SPANXN3: variants seen among roughly 807,000 people sequenced by gnomAD.
The protein encoded by SPANXN3 is SPANX family member N3, also known as sperm protein associated with the nucleus on the X chromosome N3.
A neutral mutation model predicts 1.9 loss-of-function variants in SPANXN3; 1 was observed. The ratio of observed to expected loss-of-function variants is 0.54; its 90% CI spans 0.19 to 2.54. The LOEUF (loss-of-function observed/expected upper bound fraction) is 2.54, where lower values mean the gene tolerates loss of function less well. Among genes scored for constraint, SPANXN3 ranks in the 30% most tolerant of loss-of-function variants. The pLI, the probability that SPANXN3 is intolerant of heterozygous loss-of-function variation, is 0.24. For synonymous variants in SPANXN3, 47 were observed against 40.0 expected (o/e 1.17, Z -0.66); for missense variants, 113 against 96.2 (o/e 1.17, Z -0.73).
rs1556412862 is a variant in SPANXN3, at chrX:143,517,347, G to A, written c.45C>T (p.Ser15=). The change falls in exon 1 of 2, where the codon AGC becomes AGT. Residue 15 remains serine, a synonymous_variant. Coordinates refer to ENST00000370503, the MANE Select transcript of SPANXN3 (RefSeq NM_001009609.4). ...TSSTNGEKTK[S]PCESNNKKND... is the part of the protein sequence containing the mutation. ...TTTTTTTGTTATTGGATTCACAGGGGCTCTTCGTCTTCTCCCCATTGGTGC... is the reference window on the plus strand; with the variant it reads ...TTTTTTTGTTATTGGATTCACAGGGACTCTTCGTCTTCTCCCCATTGGTGC... The A allele has an allele frequency of 8.3e-7, 1 of 1,211,025 alleles. No homozygotes were observed. Among genetic ancestry groups the A allele is most frequent in the Non-Finnish European group, 1.1e-6 (1 of 895,216 alleles).
At chrX:143,510,906 T>C (rs1929076799) in intron 1 of SPANXN3, among the ~76,000 whole-genome samples, 2 of 108,253 alleles carry the variant, frequency 1.8e-5, no homozygotes, top group South Asian at 8.3e-4. Flanking sequence ...CGCCCAACGC[T>C]CTTTTGCCGA....
At chrX:143,511,864 A>T in intron 1 of SPANXN3, among the ~76,000 whole-genome samples, 1 of 111,148 alleles carries the variant, frequency 9.0e-6, no homozygotes, top group Non-Finnish European at 1.9e-5. Flanking sequence ...CCTAGAGTCC[A>T]CCACCCCTAC....
At chrX:143,517,233 C>T in intron 1 of SPANXN3, 81 bp downstream of exon 1, 4 of 1,070,952 alleles carry the variant, frequency 3.7e-6, no homozygotes, top group Non-Finnish European at 3.9e-6. Flanking sequence ...CTGCAGTATT[C>T]CTGTGTTGCT....
chrX:143,511,698 T>C (rs782664538), intron 1 of SPANXN3, among the ~76,000 whole-genome samples: 1 of 111,763 alleles, frequency 8.9e-6, no homozygotes, highest in East Asian at 2.8e-4. Flanking sequence ...CTGTTATAAG[T>C]GCATCCAACA....
chrX:143,510,835 C>A, intron 1 of SPANXN3, among the ~76,000 whole-genome samples: 1 of 109,689 alleles, frequency 9.1e-6, no homozygotes, highest in East Asian at 2.9e-4. Context: ...GGATCCGGCT[C>A]CTCCACCCCC....
Position 143,509,168 on chromosome X carries a change from A to G in SPANXN3, c.79-6T>C, listed in dbSNP as rs782266869. Reference sequence around the variant, plus strand: ...CTGTTTGGTACCTCTTGCATCTGGTAAGAAAATAGGGAGAGGCCAGAAAGA... The same window carrying G: ...CTGTTTGGTACCTCTTGCATCTGGTGAGAAAATAGGGAGAGGCCAGAAAGA... On this transcript the variant is annotated splice_polypyrimidine_tract_variant and splice_region_variant and intron_variant, in intron 1 of 1. Coordinates refer to ENST00000370503, the MANE Select transcript of SPANXN3 (RefSeq NM_001009609.4). 2 of 1,193,617 alleles carry G rather than the reference A, an allele frequency of 1.7e-6. No individual in the cohort carries two copies. The highest frequency in any genetic ancestry group is 2.3e-6 in the Non-Finnish European group (2 of 883,246).
intron 1 of SPANXN3, among the ~76,000 whole-genome samples, chrX:143,514,863 A>T (rs144925264): frequency 2.7e-5 from 3 of 111,040 alleles, no homozygotes; most frequent in Non-Finnish European, 5.7e-5. Flanking sequence ...TCTTCCCTAA[A>T]GGTTAAAATG....
At chrX:143,512,336 A>G (rs1306540243) in intron 1 of SPANXN3, among the ~76,000 whole-genome samples, 1 of 111,326 alleles carries the variant, frequency 9.0e-6, no homozygotes, top group Non-Finnish European at 1.9e-5. Context: ...AGTTAAAATA[A>G]CCTTTCAAAA....
chrX:143,509,005 T>C lies in SPANXN3; in HGVS notation c.236A>G (p.Asn79Ser), dbSNP rs1479959134. ...TTCGTCCTCCTCCTTTTGGATTGGA[T>C]TGATGGAGTTCTCTTGGGACTGTTC... is the stretch of plus-strand genomic sequence containing the variant. Reference protein sequence around the residue: ...ENEQSQENSINPIQKEEDEGV... With the variant: ...ENEQSQENSISPIQKEEDEGV... Residue 79 changes from asparagine to serine, a missense_variant, in exon 2 of 2, where the codon AAT (asparagine) becomes AGT (serine). Coordinates refer to ENST00000370503, the MANE Select transcript of SPANXN3 (RefSeq NM_001009609.4). 1 of 1,212,104 alleles carries C rather than the reference T, an allele frequency of 8.3e-7. No individual in the cohort carries two copies. Among genetic ancestry groups the C allele is most frequent in the African/African-American group, 1.7e-5 (1 of 57,897 alleles).
chrX:143,509,255 C>G, intron 1 of SPANXN3, 93 bp from the exon 2 acceptor site: 1 of 715,926 alleles, frequency 1.4e-6, no homozygotes. Context: ...AGAAGGAATG[C>G]AGGTGGAGGA....
chrX:143,514,735 A>T (rs189611507), intron 1 of SPANXN3, among the ~76,000 whole-genome samples: 1 of 111,730 alleles, frequency 9.0e-6, no homozygotes, highest in African/African-American at 3.3e-5. Context: ...CAACGGGCCA[A>T]TTTGTTTCAC....
chrX:143,509,973 A>G (rs1480842989), intron 1 of SPANXN3, among the ~76,000 whole-genome samples: 1 of 111,329 alleles, frequency 9.0e-6, no homozygotes, highest in Non-Finnish European at 1.9e-5. Flanking sequence ...AGCAGCAAGC[A>G]GCACAAACTA....
intron 1 of SPANXN3, among the ~76,000 whole-genome samples, chrX:143,512,702 A>T (rs2124256906): frequency 9.0e-6 from 1 of 111,713 alleles, no homozygotes; most frequent in East Asian, 2.8e-4. Context: ...AACTTGGTCA[A>T]GTCCTAATAC....
At chrX:143,514,993 T>G (rs1309684610) in intron 1 of SPANXN3, among the ~76,000 whole-genome samples, 3 of 111,077 alleles carry the variant, frequency 2.7e-5, no homozygotes, top group Non-Finnish European at 5.7e-5. Flanking sequence ...AGAATCTCCC[T>G]GTATTTTCCC....
At chrX:143,513,340 A>G (rs1377671507) in intron 1 of SPANXN3, among the ~76,000 whole-genome samples, 10 of 111,773 alleles carry the variant, frequency 8.9e-5, no homozygotes, top group Admixed American at 3.8e-4. Flanking sequence ...CCCTTGGACT[A>G]CTCTGCCAAA....
intron 1 of SPANXN3, among the ~76,000 whole-genome samples, chrX:143,514,621 A>G (rs187720757): frequency 9.0e-6 from 1 of 111,224 alleles, no homozygotes; most frequent in Non-Finnish European, 1.9e-5. Context: ...CTCTGGATGG[A>G]TAAAAGCTTT....
chrX:143,510,595 A>G (rs1198075898), intron 1 of SPANXN3, among the ~76,000 whole-genome samples: 2 of 111,833 alleles, frequency 1.8e-5, no homozygotes, highest in Non-Finnish European at 3.8e-5. Context: ...TCATCTAAAA[A>G]TCTTTCTCCA....
chrX:143,511,515 C>G (rs1210261888), intron 1 of SPANXN3, among the ~76,000 whole-genome samples: 1 of 111,015 alleles, frequency 9.0e-6, no homozygotes, highest in East Asian at 2.8e-4. Flanking sequence ...CTCAAACCTC[C>G]AAAGAGACTT....
At chrX:143,510,571 T>C (rs1556411556) in intron 1 of SPANXN3, among the ~76,000 whole-genome samples, 1 of 111,795 alleles carries the variant, frequency 8.9e-6, no homozygotes, top group Non-Finnish European at 1.9e-5. Context: ...AACATTCAAC[T>C]TTCAAATTCA....
Sources: allele counts gnomAD v4.1 joint callset (sites outside exome capture counted in the v4.1 genomes callset), GRCh38; gene constraint gnomAD v4.1.1; transcripts MANE v1.5; gene names NCBI Gene and HGNC (gene_info 2026-07-23, HGNC 2026-07-21).